NEDD9: variants seen among roughly 807,000 people sequenced by gnomAD.
NEDD9 encodes enhancer of filamentation 1.
Under a neutral mutation model 76.6 loss-of-function variants are expected in NEDD9, and 26 were observed. The observed-to-expected ratio is 0.34, with a 90% confidence interval of 0.25 to 0.47. The LOEUF is 0.47. Among genes scored for constraint, NEDD9 ranks in the 20% least tolerant of loss-of-function variants. The pLI, the probability that NEDD9 is intolerant of heterozygous loss-of-function variation, is 1.00. For synonymous variants in NEDD9, 392 were observed against 414.2 expected (o/e 0.95, Z 0.65); for missense variants, 937 against 1,058.5 (o/e 0.89, Z 1.59).
chr6:11,259,959 C>CACACACACACAG, intron 3 of NEDD9, among the ~76,000 whole-genome samples: 1 of 151,840 alleles, frequency 6.6e-6, no homozygotes, highest in South Asian at 2.1e-4. Flanking sequence ...CACACACACA[C>CACACACACACAG]AGACACACAC....
At chr6:11,263,583 T>C (rs770069857) in intron 3 of NEDD9, among the ~76,000 whole-genome samples, 2 of 152,246 alleles carry the variant, frequency 1.3e-5, no homozygotes, top group Non-Finnish European at 2.9e-5. Flanking sequence ...CTGGCTGGCT[T>C]GTGCTTGGAA....
chr6:11,327,293 A>T (rs912322322), intron 2 of NEDD9, among the ~76,000 whole-genome samples: 1 of 152,218 alleles, frequency 6.6e-6, no homozygotes, highest in Non-Finnish European at 1.5e-5. Context: ...CAAAATTATC[A>T]TATCAATTAG....
At chr6:11,371,421 A>G (rs1393377411) in intron 1 of NEDD9, among the ~76,000 whole-genome samples, 1 of 152,086 alleles carries the variant, frequency 6.6e-6, no homozygotes. Context: ...TCCATGCCTC[A>G]CCTATTCATC....
chr6:11,345,467 A>AGTGT (rs111373981), intron 1 of NEDD9, among the ~76,000 whole-genome samples: 4,348 of 151,120 alleles, frequency 0.029, 192 homozygotes, highest in African/African-American at 0.099. Context: ...AGAGAGAGAG[A>AGTGT]GTGTGTGTGT....
intron 2 of NEDD9, chr6:11,306,275 G>T: frequency 2.0e-6 from 1 of 506,490 alleles, no homozygotes; most frequent in Admixed American, 3.2e-5. Flanking sequence ...TCTTGTGAAT[G>T]GAATCCATCA....
intron 3 of NEDD9, among the ~76,000 whole-genome samples, chr6:11,268,086 G>C (rs1031106041): frequency 6.6e-6 from 1 of 152,142 alleles, no homozygotes; most frequent in Non-Finnish European, 1.5e-5. Context: ...CTGGAGTGCA[G>C]TGGCGCGATC....
At chr6:11,197,452 C>A (rs1382449679) in intron 2 of NEDD9, among the ~76,000 whole-genome samples, 2 of 152,120 alleles carry the variant, frequency 1.3e-5, no homozygotes, top group African/African-American at 2.4e-5. Context: ...TTGCACTTTC[C>A]ATATGTGGAT....
chr6:11,184,917 A>C lies in NEDD9; in HGVS notation c.*245T>G, dbSNP rs912252760. 5.7e-5 allele frequency: 22 copies of C among 386,432 alleles called. No homozygotes were observed. The highest frequency in any genetic ancestry group is 4.2e-4 in the African/African-American group (21 of 49,430). 23.9% of individuals were successfully genotyped at this position (386,432 alleles called of 1,614,324 possible). On this transcript the variant is annotated 3_prime_UTR_variant, in exon 7 of 7. Coordinates refer to ENST00000379446, the MANE Select transcript of NEDD9 (RefSeq NM_006403.4). ...ATGGGCATACAAAAGCACGTGGACA[A>C]GTTTTCTGTACAGTTTATGTCTCAG...
At chr6:11,218,922 G>A (rs1011634401) in intron 1 of NEDD9, among the ~76,000 whole-genome samples, 2 of 152,174 alleles carry the variant, frequency 1.3e-5, no homozygotes, top group African/African-American at 2.4e-5. Context: ...GAGCAAACAG[G>A]AAGGCCAAGA....
At chr6:11,331,879 T>C (rs1290764301) in intron 2 of NEDD9, among the ~76,000 whole-genome samples, 1 of 152,204 alleles carries the variant, frequency 6.6e-6, no homozygotes, top group Admixed American at 6.5e-5. Flanking sequence ...AGCTTTCCTG[T>C]GGCAGCAGCA....
At position 11,326,431 on chromosome 6, in the gene NEDD9, T is replaced by C. The variant is rs755251876; in HGVS notation, c.-153+8070A>G. 3.0e-4 allele frequency among the ~76,000 whole-genome samples: 46 copies of C among 152,232 alleles called. 1 individual carries two copies. Among genetic ancestry groups the C allele is most frequent in the Non-Finnish European group, 6.2e-4 (42 of 68,038 alleles). ...AAACACACTGGTATGTTTGGCCCCA[T>C]GTGGCAGACAAGGAAAAGGGTTTAC... On this transcript the variant is annotated intron_variant, in intron 2 of 3. Transcript: ENST00000397378.
intron 3 of NEDD9, among the ~76,000 whole-genome samples, chr6:11,269,264 T>C (rs944453631): frequency 6.6e-6 from 1 of 152,254 alleles, no homozygotes; most frequent in Non-Finnish European, 1.5e-5. Flanking sequence ...TCTTAGGCTA[T>C]TTAGGGAGCT....
chr6:11,320,167 C>A (rs768829185), intron 2 of NEDD9, among the ~76,000 whole-genome samples: 1 of 152,164 alleles, frequency 6.6e-6, no homozygotes, highest in African/African-American at 2.4e-5. Flanking sequence ...TCCCCCAGTC[C>A]ACTGCCAAGC....
At chr6:11,328,412 G>A (rs1431441719) in intron 2 of NEDD9, 1 of 152,228 alleles carries the variant, frequency 6.6e-6, no homozygotes, top group Non-Finnish European at 1.5e-5. Context: ...TATGGTGCCA[G>A]ACCCTTGGGC....
At chr6:11,211,034 C>T (rs1296157006) in intron 2 of NEDD9, among the ~76,000 whole-genome samples, 1 of 152,262 alleles carries the variant, frequency 6.6e-6, no homozygotes, top group Non-Finnish European at 1.5e-5. Context: ...ACGGCCTACT[C>T]TTCAGCCCTG....
intron 3 of NEDD9, among the ~76,000 whole-genome samples, chr6:11,279,225 C>T (rs540396722): frequency 6.6e-6 from 1 of 152,288 alleles, no homozygotes; most frequent in East Asian, 1.9e-4. Flanking sequence ...CTGTTGATGC[C>T]AAATAAATGA....
chr6:11,188,272 T>C lies in NEDD9; in HGVS notation c.1941A>G (p.Leu647=). ...KEEFERQQKE[L]LEKENIMKQN... ...GTTTCATGATATTCTCTTTTTCCAA[T>C]AGCTCTTTCTGTTGCCTCTCAAACT... Residue 647 remains leucine, a synonymous_variant, in exon 6 of 7, where the codon CTA becomes CTG. Transcript: ENST00000379446. 6.2e-7 allele frequency: 1 copy of C among 1,614,172 alleles called. No homozygotes were observed. The highest frequency in any genetic ancestry group is 8.5e-7 in the Non-Finnish European group (1 of 1,179,996).
intron 3 of NEDD9, among the ~76,000 whole-genome samples, chr6:11,264,504 C>G (rs779700716): frequency 1.4e-4 from 21 of 152,096 alleles, no homozygotes; most frequent in Non-Finnish European, 2.4e-4. Flanking sequence ...TATTTAGGAA[C>G]GAATCAAACC....
intron 1 of NEDD9, among the ~76,000 whole-genome samples, chr6:11,376,967 A>C (rs1257459005): frequency 6.6e-6 from 1 of 152,238 alleles, no homozygotes; most frequent in African/African-American, 2.4e-5. Flanking sequence ...GCCCAGGTAC[A>C]GCTCTGGCCA....
Sources: allele counts gnomAD v4.1 joint callset (sites outside exome capture counted in the v4.1 genomes callset), GRCh38; gene constraint gnomAD v4.1.1; transcripts MANE v1.5; gene names NCBI Gene and HGNC (gene_info 2026-07-23, HGNC 2026-07-21).